NCKAP5: variants seen among roughly 807,000 people sequenced by gnomAD.
NCKAP5 encodes the protein nck-associated protein 5.
In NCKAP5, 92 loss-of-function variants were observed where a neutral mutation model predicts 167.0. The observed-to-expected ratio is 0.55, with a 90% CI of 0.47 to 0.66. The LOEUF is 0.66. Among genes scored for constraint, NCKAP5 ranks in the 30% least tolerant of loss-of-function variants. NCKAP5 has a pLI of 0.00. For synonymous variants in NCKAP5, 891 were observed against 877.4 expected, an observed-to-expected ratio of 1.02 and a Z score of -0.27; for missense variants, 2,378 against 2,315.0, an observed-to-expected ratio of 1.03 and a Z score of -0.56.
chr2:133,176,920 A>C (rs1303743082), intron 5 of NCKAP5, among the ~76,000 whole-genome samples: 5 of 152,192 alleles, frequency 3.3e-5, no homozygotes, highest in African/African-American at 1.2e-4. Context: ...AAATACATTT[A>C]ATTCCATATA....
At chr2:133,467,324 A>G (rs1388800954) in intron 3 of NCKAP5, among the ~76,000 whole-genome samples, 3 of 151,948 alleles carry the variant, frequency 2.0e-5, no homozygotes, top group Non-Finnish European at 2.9e-5. Context: ...ATTGATTTGC[A>G]TATATTGAAC....
At position 133,395,834 on chromosome 2, in the gene NCKAP5, T is replaced by C. The variant is rs1357796715; in HGVS notation, c.70-92724A>G. Among the ~76,000 whole-genome samples the C allele has an allele frequency of 2.0e-5, 3 of 152,046 alleles. No homozygotes were observed. In the East Asian group the frequency reaches 5.8e-4, roughly 29 times the overall value. On this transcript the variant is annotated intron_variant, in intron 3 of 19. Transcript: ENST00000409261. ...ATTTTTTAAATTTTTTTTGTAGAGATGGGTTCCCTCTATGTTGCCCAGGCT... is the reference window on the plus strand; with the variant it reads ...ATTTTTTAAATTTTTTTTGTAGAGACGGGTTCCCTCTATGTTGCCCAGGCT...
intron 6 of NCKAP5, among the ~76,000 whole-genome samples, chr2:133,045,992 T>C (rs2079386818): frequency 6.6e-6 from 1 of 152,198 alleles, no homozygotes; most frequent in Middle Eastern, 3.2e-3. Context: ...GGGTAGCGTC[T>C]ACAGTGTAGA....
At chr2:132,801,378 C>T (rs989349359) in intron 11 of NCKAP5, among the ~76,000 whole-genome samples, 4 of 152,144 alleles carry the variant, frequency 2.6e-5, no homozygotes, top group Non-Finnish European at 5.9e-5. Flanking sequence ...ACAGGGTAGC[C>T]ACTCAAGAAA....
intron 6 of NCKAP5, among the ~76,000 whole-genome samples, chr2:133,109,089 AAG>A (rs2081820344): frequency 6.6e-6 from 1 of 152,224 alleles, no homozygotes. Flanking sequence ...CAATTCCACC[AAG>A]CCCTTCTTAA....
chr2:133,240,520 A>G (rs1458621669), intron 4 of NCKAP5, among the ~76,000 whole-genome samples: 2 of 152,204 alleles, frequency 1.3e-5, no homozygotes, highest in Non-Finnish European at 2.9e-5. Flanking sequence ...CGTCCTGTAC[A>G]GACTTACAAT....
intron 3 of NCKAP5, among the ~76,000 whole-genome samples, chr2:133,330,369 T>C (rs1364542610): frequency 4.1e-5 from 6 of 147,380 alleles, no homozygotes; most frequent in Non-Finnish European, 4.5e-5. Flanking sequence ...ACAGACATGA[T>C]ACACCATGCC....
chr2:132,924,363 GC>G (rs1278949094), intron 8 of NCKAP5, among the ~76,000 whole-genome samples: 1 of 152,092 alleles, frequency 6.6e-6, no homozygotes, highest in Non-Finnish European at 1.5e-5. Flanking sequence ...CAATGAGCCA[GC>G]CAGAAGTGAG....
intron 3 of NCKAP5, among the ~76,000 whole-genome samples, chr2:133,398,368 C>T (rs1216848864): frequency 2.6e-5 from 4 of 152,150 alleles, no homozygotes; most frequent in African/African-American, 9.7e-5. Flanking sequence ...ACCACCATGG[C>T]ACATGTATCC....
At chr2:132,835,264 C>G (rs1687807909) in intron 11 of NCKAP5, among the ~76,000 whole-genome samples, 2 of 152,004 alleles carry the variant, frequency 1.3e-5, no homozygotes, top group Non-Finnish European at 1.5e-5. Flanking sequence ...GAATGTTGGT[C>G]TATAGTTCTC....
intron 3 of NCKAP5, among the ~76,000 whole-genome samples, chr2:133,327,058 C>G (rs2150703696): frequency 6.6e-6 from 1 of 152,296 alleles, no homozygotes; most frequent in Non-Finnish European, 1.5e-5. Context: ...TTCAAAATAC[C>G]TGTTTCTGGG....
intron 11 of NCKAP5, among the ~76,000 whole-genome samples, chr2:132,815,211 G>A (rs1190218525): frequency 6.6e-6 from 1 of 152,098 alleles, no homozygotes; most frequent in East Asian, 1.9e-4. Context: ...ACCATGTGCA[G>A]TATTTGCAAC....
intron 19 of NCKAP5, among the ~76,000 whole-genome samples, chr2:132,710,929 T>C (rs887180524): frequency 6.6e-6 from 1 of 152,192 alleles, no homozygotes; most frequent in African/African-American, 2.4e-5. Context: ...GTACTAGAAA[T>C]ATTGTTTCGC....
chr2:133,388,830 C>T (rs529537633), intron 3 of NCKAP5, among the ~76,000 whole-genome samples: 20 of 152,330 alleles, frequency 1.3e-4, no homozygotes, highest in South Asian at 6.2e-4. Flanking sequence ...TGGGACCCTC[C>T]GAGCCAGGTG....
At chr2:132,999,654 G>A (rs1240392987) in intron 6 of NCKAP5, among the ~76,000 whole-genome samples, 1 of 152,178 alleles carries the variant, frequency 6.6e-6, no homozygotes, top group Non-Finnish European at 1.5e-5. Context: ...AATAATGAAA[G>A]CAGTGTTGGA....
intron 3 of NCKAP5, among the ~76,000 whole-genome samples, chr2:133,355,867 A>G (rs1684677914): frequency 6.6e-6 from 1 of 151,944 alleles, no homozygotes; most frequent in African/African-American, 2.4e-5. Context: ...TTGATCTTTG[A>G]GCAAAAGTAC....
At chr2:132,839,439 G>T (rs915865658) in intron 11 of NCKAP5, among the ~76,000 whole-genome samples, 1 of 152,090 alleles carries the variant, frequency 6.6e-6, no homozygotes, top group Non-Finnish European at 1.5e-5. Flanking sequence ...TGTCAACAAC[G>T]TGAGGGTTAG....
chr2:133,230,138 T>C (rs2087075781), intron 4 of NCKAP5, among the ~76,000 whole-genome samples: 1 of 152,122 alleles, frequency 6.6e-6, no homozygotes, highest in South Asian at 2.1e-4. Flanking sequence ...TGCCATGTTC[T>C]CTCATTATGA....
intron 5 of NCKAP5, among the ~76,000 whole-genome samples, chr2:133,148,015 G>T (rs562983924): frequency 1.4e-3 from 207 of 152,190 alleles, no homozygotes; most frequent in African/African-American, 4.7e-3. Context: ...ATTTGCAAAT[G>T]TAATTGAGCC....
Sources: gnomAD v4.1 joint callset for allele counts (sites outside exome capture counted in the v4.1 genomes callset) on GRCh38, gnomAD v4.1.1 for gene constraint, MANE v1.5 for transcripts, NCBI Gene and HGNC (gene_info 2026-07-23, HGNC 2026-07-21) for gene names.